The following PPM1D variants were observed in gnomAD, a reference collection of about 807,000 sequenced individuals.
The protein encoded by PPM1D is protein phosphatase 1D.
PPM1D carries 52 observed loss-of-function variants against 58.3 expected under a neutral mutation model. That is an observed-to-expected ratio of 0.89 (90% CI 0.71 to 1.12). The LOEUF (loss-of-function observed/expected upper bound fraction) is 1.12, where lower values mean the gene tolerates loss of function less well. Among genes scored for constraint, PPM1D ranks in the 50% most tolerant of loss-of-function variants. PPM1D has a pLI of 0.00. For missense variants in PPM1D, 564 were observed against 777.2 expected (o/e 0.73, Z 3.26); for synonymous variants, 278 against 285.1 (o/e 0.98, Z 0.25).
chr17:60,640,522 C>T (rs78277351), intron 3 of PPM1D, among the ~76,000 whole-genome samples: 7,670 of 151,714 alleles, frequency 0.051, 670 homozygotes, highest in African/African-American at 0.18. Context: ...GATTTGTGGG[C>T]TTTTGTTTGT....
chr17:60,645,490 G>GTGTGTA (rs2031218469), intron 3 of PPM1D, among the ~76,000 whole-genome samples: 1 of 141,972 alleles, frequency 7.0e-6, no homozygotes, highest in South Asian at 2.2e-4. Context: ...GTGTGTGTGT[G>GTGTGTA]TGTATGTGTA....
chr17:60,642,527 C>T (rs935422611), intron 3 of PPM1D, among the ~76,000 whole-genome samples: 3 of 151,884 alleles, frequency 2.0e-5, no homozygotes, highest in African/African-American at 4.8e-5. Context: ...GGCGCGATCT[C>T]GGCTCACTGC....
chr17:60,645,483 T>TGC (rs1851843186), intron 3 of PPM1D, among the ~76,000 whole-genome samples: 1 of 137,354 alleles, frequency 7.3e-6, no homozygotes. Flanking sequence ...TGTGTGTGTG[T>TGC]GTGTGTGTGT....
At position 60,663,423 on chromosome 17, in the gene PPM1D, T is replaced by C. The variant is rs2143733353; in HGVS notation, c.1689T>C (p.Pro563=). The C allele has an allele frequency of 3.7e-6, 6 of 1,614,208 alleles. No homozygotes were observed. Among genetic ancestry groups the C allele is most frequent in the Non-Finnish European group, 5.1e-6 (6 of 1,180,050 alleles). The change falls in exon 6 of 6, where the codon CCT becomes CCC. Residue 563 remains proline, a synonymous_variant. Coordinates refer to ENST00000305921, the MANE Select transcript of PPM1D (RefSeq NM_003620.4). ...TAAGTCGAAGTAGTGGTGCTCAGCC[T>C]GCAAGTCTCCCCACAACCTCACAGC... ...NGLSRSSGAQ[P]ASLPTTSQRK... is the part of the protein sequence containing the mutation.
intron 2 of PPM1D, among the ~76,000 whole-genome samples, chr17:60,624,452 C>A (rs769624022): frequency 1.3e-5 from 2 of 152,218 alleles, no homozygotes; most frequent in Non-Finnish European, 2.9e-5. Context: ...TTTATTAAAT[C>A]AAAATTGGTC....
chr17:60,627,105 C>T lies in PPM1D; in HGVS notation c.701+3356C>T, dbSNP rs143598581. 9.6e-4 allele frequency among the ~76,000 whole-genome samples: 146 copies of T among 152,286 alleles called. 3 individuals carry two copies. In the East Asian group the frequency reaches 0.025, roughly 26 times the overall value. The stretch of plus-strand genomic sequence containing the variant: ...GATTATGCTCCTGGAACTTTTTCCA[C>T]GTGGAAGTTTCTTTTAATGTAGTTA... On this transcript the variant is annotated intron_variant, in intron 2 of 5. Transcript: ENST00000305921.
intron 5 of PPM1D, among the ~76,000 whole-genome samples, chr17:60,659,007 A>G (rs1367696251): frequency 6.6e-6 from 1 of 152,102 alleles, no homozygotes; most frequent in Admixed American, 6.6e-5. Context: ...TAATACTACT[A>G]AAGTAAAGAT....
intron 4 of PPM1D, among the ~76,000 whole-genome samples, chr17:60,652,435 T>C (rs2031361450): frequency 6.6e-6 from 1 of 152,166 alleles, no homozygotes; most frequent in African/African-American, 2.4e-5. Context: ...TGGACTGTTG[T>C]GAATAGTGCT....
intron 1 of PPM1D, among the ~76,000 whole-genome samples, chr17:60,604,195 T>G (rs963258684): frequency 2.6e-5 from 4 of 152,352 alleles, no homozygotes; most frequent in East Asian, 1.9e-4. Flanking sequence ...GAAAATCATG[T>G]TTGTTAATAT....
intron 2 of PPM1D, among the ~76,000 whole-genome samples, chr17:60,626,435 C>T (rs1224809769): frequency 1.3e-5 from 2 of 150,830 alleles, no homozygotes; most frequent in African/African-American, 4.9e-5. Flanking sequence ...GGCTCTTTCG[C>T]CCAGGCTGGA....
At chr17:60,620,086 C>A (rs2030668802) in intron 1 of PPM1D, among the ~76,000 whole-genome samples, 1 of 151,954 alleles carries the variant, frequency 6.6e-6, no homozygotes, top group African/African-American at 2.4e-5. Context: ...GTAAACTCCA[C>A]CCCCTGGGTT....
chr17:60,618,485 T>C (rs1391511101), intron 1 of PPM1D, among the ~76,000 whole-genome samples: 1 of 152,240 alleles, frequency 6.6e-6, no homozygotes, highest in East Asian at 1.9e-4. Flanking sequence ...TTGTGCGGTC[T>C]TGTAGTTATG....
In PPM1D at chr17:60,645,482, G is replaced by GTGTGTGTGTGTGTGTGTGTA. The variant is rs1340556364; in HGVS notation, c.827-2399_827-2398insGTGTGTGTATGTGTGTGTGT. 1.7e-4 allele frequency among the ~76,000 whole-genome samples: 23 copies of GTGTGTGTGTGTGTGTGTGTA among 138,500 alleles called. 1 individual carries two copies. Among genetic ancestry groups the GTGTGTGTGTGTGTGTGTGTA allele is most frequent in the African/African-American group, 6.7e-4 (22 of 32,658 alleles). 90.9% of individuals were successfully genotyped at this position (138,500 alleles called of 152,430 possible). ...TGTGTGTGTGTGTGTGTGTGTGTGT[G>GTGTGTGTGTGTGTGTGTGTA]TGTGTGTGTGTATGTGTATATATAT... On this transcript the variant is annotated intron_variant, in intron 3 of 5. Coordinates refer to ENST00000305921, the MANE Select transcript of PPM1D (RefSeq NM_003620.4).
At chr17:60,659,037 A>G (rs954031336) in intron 5 of PPM1D, among the ~76,000 whole-genome samples, 2 of 152,254 alleles carry the variant, frequency 1.3e-5, no homozygotes, top group Non-Finnish European at 2.9e-5. Flanking sequence ...TATGTTTGCC[A>G]TATGCAGGTA....
intron 2 of PPM1D, among the ~76,000 whole-genome samples, chr17:60,623,965 A>G (rs529156702): frequency 6.6e-6 from 1 of 152,338 alleles, no homozygotes; most frequent in South Asian, 2.1e-4. Flanking sequence ...TCTAATAGGA[A>G]ATAATATTTC....
rs538530815 is a variant in PPM1D at position 60,643,583 on chromosome 17, G to C, written c.827-4309G>C. On this transcript the variant is annotated intron_variant, in intron 3 of 5. Transcript: ENST00000305921. ...TTGGTACAGAACAGGATATTTCACA[G>C]AGCCTCAAACTTTCACCCTACAGAC... is the stretch of plus-strand genomic sequence containing the variant. Among the ~76,000 whole-genome samples, 7 of 152,220 alleles carry C rather than the reference G, an allele frequency of 4.6e-5. No homozygotes were observed. In the South Asian group the frequency reaches 1.4e-3, roughly 32 times the overall value.
At chr17:60,632,291 C>T (rs1379637218) in intron 2 of PPM1D, among the ~76,000 whole-genome samples, 2 of 152,108 alleles carry the variant, frequency 1.3e-5, no homozygotes, top group East Asian at 1.9e-4. Context: ...CTTGTAACTC[C>T]CAAATCTATA....
At chr17:60,634,106 T>A in intron 3 of PPM1D, 129 bp downstream of exon 3, 1 of 1,114,630 alleles carries the variant, frequency 9.0e-7, no homozygotes, top group Non-Finnish European at 1.3e-6. Context: ...GATATTCTAT[T>A]AACTGCTTTA....
rs917669935 is a variant in PPM1D, at chr17:60,656,703, C to T, written c.1122C>T (p.Cys374=). ...RADNTSAIVI[C]ISPEVDNQGN... ...ATAACACTAGTGCCATAGTAATCTG[C>T]ATCTCTCCAGAAGTGGACAATCAGG... is the stretch of plus-strand genomic sequence containing the variant. Residue 374 remains cysteine (C), a synonymous_variant, in exon 5 of 6, where the codon TGC becomes TGT. Transcript: ENST00000305921. The T allele has an allele frequency of 1.2e-6, 2 of 1,614,042 alleles. No individual in the cohort carries two copies. The highest frequency in any genetic ancestry group is 2.7e-5 in the African/African-American group (2 of 74,898).
Sources: gnomAD v4.1 joint callset for allele counts (sites outside exome capture counted in the v4.1 genomes callset) on GRCh38, gnomAD v4.1.1 for gene constraint, MANE v1.5 for transcripts, NCBI Gene and HGNC (gene_info 2026-07-23, HGNC 2026-07-21) for gene names.